The following MROH9 variants were observed in gnomAD, a reference collection of about 807,000 sequenced individuals.
MROH9 encodes maestro heat like repeat family member 9.
MROH9 carries 92 observed loss-of-function variants against 98.2 expected under a neutral mutation model. The ratio of observed to expected loss-of-function variants is 0.94; its 90% CI spans 0.79 to 1.11. MROH9 has a LOEUF of 1.11. MROH9 is among the 50% of genes most tolerant of loss of function. The pLI is 0.00. For synonymous variants in MROH9, 397 were observed against 368.9 expected (o/e 1.08, Z -0.87); for missense variants, 1,057 against 1,014.8 (o/e 1.04, Z -0.57).
chr1:171,053,008 G>A (rs982630534), intron 20 of MROH9, among the ~76,000 whole-genome samples: 2 of 152,138 alleles, frequency 1.3e-5, no homozygotes, highest in African/African-American at 4.8e-5. Flanking sequence ...CAAGGGAACA[G>A]GTTGAGGCAC....
chr1:171,008,662 A>G (rs868620357), intron 15 of MROH9, among the ~76,000 whole-genome samples: 2 of 152,368 alleles, frequency 1.3e-5, no homozygotes, highest in Middle Eastern at 6.8e-3. Flanking sequence ...ATGCTGAGAC[A>G]GAAGGATCAC....
intron 7 of MROH9, among the ~76,000 whole-genome samples, chr1:170,970,763 A>AGAGC (rs1202688847): frequency 6.7e-6 from 1 of 150,230 alleles, no homozygotes; most frequent in Non-Finnish European, 1.5e-5. Context: ...AGAGAGAGAG[A>AGAGC]GAGAGACAGA....
chr1:170,992,215 T>C lies in MROH9; in HGVS notation c.1080T>C (p.Pro360=). The change falls in exon 12 of 22, where the codon CCT becomes CCC. Residue 360 remains proline (P), a synonymous_variant. Coordinates refer to ENST00000367759, the MANE Select transcript of MROH9 (RefSeq NM_001163629.2). The part of the protein sequence containing the change: ...KAACSQASVA[P]HVLKTILLIL... ...CATGTTCTCAGGCGAGCGTGGCCCC[T>C]CACGTGCTGAAGACAATCTTATTGA... 6.2e-7 allele frequency: 1 copy of C among 1,613,306 alleles called. No individual in the cohort carries two copies. Among genetic ancestry groups the C allele is most frequent in the Middle Eastern group, 1.7e-4 (1 of 6,052 alleles).
At position 170,957,804 on chromosome 1, in the gene MROH9, TTTTTTG is replaced by T. The variant is rs1202745559; in HGVS notation, c.73-653_73-648del. Among the ~76,000 whole-genome samples the T allele has an allele frequency of 1.4e-3, 197 of 145,050 alleles. 1 individual carries two copies. The Middle Eastern group carries it at 0.015, about 11-fold the overall frequency. On this transcript the variant is annotated intron_variant, in intron 3 of 21. Coordinates refer to ENST00000367759, the MANE Select transcript of MROH9 (RefSeq NM_001163629.2). ...CTGCTGGCATTTTTTTGTTTTTTTT[TTTTTTG>T]TTTGTTTGTTTTTTTTGAGACAGAG...
At chr1:171,017,510 A>T (rs1652366617) in intron 17 of MROH9, among the ~76,000 whole-genome samples, 1 of 152,212 alleles carries the variant, frequency 6.6e-6, no homozygotes, top group African/African-American at 2.4e-5. Context: ...CTAAGCTAGA[A>T]TCTGTTTAAG....
At chr1:171,003,625 G>A (rs1266018781) in intron 15 of MROH9, among the ~76,000 whole-genome samples, 1 of 152,192 alleles carries the variant, frequency 6.6e-6, no homozygotes, top group African/African-American at 2.4e-5. Flanking sequence ...GTGGATAACA[G>A]TGCCTATTCC....
At chr1:170,978,436 T>C (rs570973656) in intron 8 of MROH9, among the ~76,000 whole-genome samples, 127 of 152,254 alleles carry the variant, frequency 8.3e-4, no homozygotes, top group Middle Eastern at 3.4e-3. Context: ...GCCATGGTTG[T>C]GGGTGACCAT....
chr1:170,985,412 A>G (rs74373690), intron 9 of MROH9, among the ~76,000 whole-genome samples: 1 of 152,290 alleles, frequency 6.6e-6, no homozygotes, highest in African/African-American at 2.4e-5. Context: ...ACCTCTGAAG[A>G]ACCCAGCTGA....
In MROH9 at chr1:171,045,512, G is replaced by T. The variant is rs528608964; in HGVS notation, c.2282-16620G>T. ...TTGTGTTTCCATTATTTTGTTTCAAGAAATTTTTTAATTTCTTCCTAATTT... is the reference window on the plus strand; with the variant it reads ...TTGTGTTTCCATTATTTTGTTTCAATAAATTTTTTAATTTCTTCCTAATTT... On this transcript the variant is annotated intron_variant, in intron 20 of 21. Transcript: ENST00000367759. Among the ~76,000 whole-genome samples, 22 of 152,102 alleles carry T rather than the reference G, an allele frequency of 1.4e-4. No individual in the cohort carries two copies. The South Asian group carries it at 3.3e-3, about 23-fold the overall frequency.
chr1:170,960,074 T>TA (rs546693518), intron 5 of MROH9, among the ~76,000 whole-genome samples: 1 of 152,198 alleles, frequency 6.6e-6, no homozygotes, highest in South Asian at 2.1e-4. Flanking sequence ...GGAGAGAATG[T>TA]ACAACACTCA....
intron 8 of MROH9, 71 bp from the exon 9 acceptor site, chr1:170,983,351 G>A: frequency 9.4e-7 from 1 of 1,069,192 alleles, no homozygotes; most frequent in Non-Finnish European, 1.4e-6. Flanking sequence ...AAAGAAAATT[G>A]GAAATAGTAA....
intron 20 of MROH9, among the ~76,000 whole-genome samples, chr1:171,057,821 T>C (rs1653892774): frequency 6.6e-6 from 1 of 152,120 alleles, no homozygotes; most frequent in South Asian, 2.1e-4. Context: ...TTCAACATTC[T>C]TAAAGAAAAG....
chr1:171,018,976 A>T (rs1652422190), intron 17 of MROH9, among the ~76,000 whole-genome samples: 1 of 152,232 alleles, frequency 6.6e-6, no homozygotes, highest in South Asian at 2.1e-4. Context: ...CCCAATAGAC[A>T]TATACAAAAC....
chr1:171,013,391 C>T (rs1351619151), intron 15 of MROH9, among the ~76,000 whole-genome samples: 1 of 152,110 alleles, frequency 6.6e-6, no homozygotes, highest in Non-Finnish European at 1.5e-5. Context: ...ACTGTGCATG[C>T]AAGGGATCTA....
chr1:171,000,058 A>G (rs1311879387), intron 15 of MROH9, among the ~76,000 whole-genome samples: 1 of 151,788 alleles, frequency 6.6e-6, no homozygotes, highest in Non-Finnish European at 1.5e-5. Context: ...GATTTGTTTG[A>G]GTTCATTGTA....
rs1157362214 is a variant in MROH9 at position 171,024,664 on chromosome 1, T to C, written c.2077T>C (p.Leu693=). ...TGTCTCACAGGCATGTAAATATACA[T>C]TAAAAATCTGTACCTCACAATTAAA... The part of the protein sequence containing the change: ...KRVAEACKYT[L]KICTSQLKWS... The change falls in exon 19 of 22, where the codon TTA becomes CTA. Residue 693 remains leucine, a synonymous_variant. Transcript: ENST00000367759. 5 of 1,550,354 alleles carry C rather than the reference T, an allele frequency of 3.2e-6. No homozygotes were observed. The African/African-American group carries it at 6.9e-5, about 21-fold the overall frequency.
At chr1:171,053,979 A>G (rs1427565919) in intron 20 of MROH9, among the ~76,000 whole-genome samples, 2 of 152,228 alleles carry the variant, frequency 1.3e-5, no homozygotes, top group African/African-American at 4.8e-5. Flanking sequence ...AAAATAAGGC[A>G]AAACAAAAAA....
chr1:170,978,570 T>C (rs777799545), intron 8 of MROH9, among the ~76,000 whole-genome samples: 2 of 152,142 alleles, frequency 1.3e-5, no homozygotes, highest in African/African-American at 2.4e-5. Flanking sequence ...GCATAGTGAC[T>C]AGGCCCTTTG....
intron 16 of MROH9, among the ~76,000 whole-genome samples, chr1:171,015,725 G>A (rs1266399887): frequency 2.6e-5 from 4 of 152,052 alleles, no homozygotes; most frequent in Non-Finnish European, 4.4e-5. Context: ...ACAGCCAGGT[G>A]TCTGAAAATA....
Sources: gnomAD v4.1 joint callset for allele counts (sites outside exome capture counted in the v4.1 genomes callset) on GRCh38, gnomAD v4.1.1 for gene constraint, MANE v1.5 for transcripts, NCBI Gene and HGNC (gene_info 2026-07-23, HGNC 2026-07-21) for gene names.